CSMD3: variants seen among roughly 807,000 people sequenced by gnomAD.
CSMD3 encodes the protein CUB and Sushi multiple domains 3, also known as CUB and sushi domain-containing protein 3.
In CSMD3, 177 loss-of-function variants were observed where a neutral mutation model predicts 435.2. That is an observed-to-expected ratio of 0.41 (90% CI 0.36 to 0.46). The LOEUF (loss-of-function observed/expected upper bound fraction) is 0.46. CSMD3 is among the 20% of genes least tolerant of loss of function. The probability of loss-of-function intolerance (pLI) is 0.34; values close to 1 mark genes in which losing one functional copy is unlikely to be tolerated. For synonymous variants in CSMD3, 1,656 were observed against 1,520.5 expected, an observed-to-expected ratio of 1.09 and a Z score of -2.07; for missense variants, 4,265 against 4,504.6, an observed-to-expected ratio of 0.95 and a Z score of 1.52.
chr8:112,324,583 G>A (rs1180009124), intron 45 of CSMD3, among the ~76,000 whole-genome samples: 1 of 138,344 alleles, frequency 7.2e-6, no homozygotes, highest in African/African-American at 2.6e-5. Flanking sequence ...GTGTGTGTGG[G>A]TGTGTGTGTG....
At chr8:112,733,563 CATAAAT>C (rs2098259388) in intron 13 of CSMD3, among the ~76,000 whole-genome samples, 1 of 151,780 alleles carries the variant, frequency 6.6e-6, no homozygotes, top group South Asian at 2.1e-4. Flanking sequence ...AAACTACAGA[CATAAAT>C]ATAAAGGTAA....
Position 112,952,441 on chromosome 8 carries a change from AATT to A in CSMD3, c.1420+2240_1420+2242del, listed in dbSNP as rs1156883528. 6.7e-4 allele frequency among the ~76,000 whole-genome samples: 101 copies of A among 151,706 alleles called. 1 individual carries two copies. The highest frequency in any genetic ancestry group is 2.4e-3 in the African/African-American group (98 of 41,530). Reference sequence around the variant, plus strand: ...AATGTCAGATAAAAACTTTCTTTTTAATTATTTTGTCCTAGGTTGAATAAATAA... The same window carrying A: ...AATGTCAGATAAAAACTTTCTTTTTAATTTTGTCCTAGGTTGAATAAATAA... On this transcript the variant is annotated intron_variant, in intron 8 of 70. Coordinates refer to ENST00000297405, the MANE Select transcript of CSMD3 (RefSeq NM_198123.2).
At chr8:112,316,193 A>G (rs1182168180) in intron 47 of CSMD3, among the ~76,000 whole-genome samples, 1 of 151,798 alleles carries the variant, frequency 6.6e-6, no homozygotes, top group Non-Finnish European at 1.5e-5. Context: ...AATATAGTAT[A>G]GCTAAAGCTA....
At chr8:112,782,154 A>T (rs2078405564) in intron 13 of CSMD3, among the ~76,000 whole-genome samples, 1 of 152,174 alleles carries the variant, frequency 6.6e-6, no homozygotes, top group South Asian at 2.1e-4. Context: ...AATTCAAAAT[A>T]GCTGTTTTAG....
chr8:112,494,901 T>C (rs1351560271), intron 30 of CSMD3, among the ~76,000 whole-genome samples: 1 of 152,010 alleles, frequency 6.6e-6, no homozygotes, highest in African/African-American at 2.4e-5. Context: ...CAGAGCTAAA[T>C]GACTTGATCT....
At position 113,019,266 on chromosome 8, in the gene CSMD3, A is replaced by C; in HGVS notation, c.918-87T>G. On this transcript the variant is annotated intron_variant, in intron 5 of 70. Transcript: ENST00000297405. The stretch of plus-strand genomic sequence containing the variant: ...CAAAATTGGGACCAAACAAATGTCC[A>C]ACTATATTCATGACTTTGCACTGTC... The C allele has an allele frequency of 3.7e-6, 3 of 818,008 alleles. 1 individual carries two copies. In the South Asian group the frequency reaches 4.0e-5, roughly 11 times the overall value. The allele number at this position is 818,008 out of a possible 1,614,324, so 50.7% of individuals were successfully genotyped here.
rs964990126 is a variant in CSMD3, at chr8:112,352,400, T to C, written c.6255+16A>G. On this transcript the variant is annotated intron_variant, in intron 39 of 70. Coordinates refer to ENST00000297405, the MANE Select transcript of CSMD3 (RefSeq NM_198123.2). ...GGGCCATGAAAATCAAAACCACAAC[T>C]TTAAAATAGACTTACCTGAAGAGAA... 1.2e-6 allele frequency: 2 copies of C among 1,612,916 alleles called. No homozygotes were observed. The highest frequency in any genetic ancestry group is 1.7e-6 in the Non-Finnish European group (2 of 1,179,458).
chr8:112,708,754 C>T (rs544101917), intron 13 of CSMD3, among the ~76,000 whole-genome samples: 1 of 143,374 alleles, frequency 7.0e-6, no homozygotes, highest in Admixed American at 7.1e-5. Flanking sequence ...ATCCAGGGAA[C>T]TAAACCACAA....
chr8:112,725,391 C>T (rs1297914558), intron 13 of CSMD3, among the ~76,000 whole-genome samples: 3 of 151,718 alleles, frequency 2.0e-5, no homozygotes, highest in Non-Finnish European at 4.4e-5. Context: ...ATTTTGACTA[C>T]CTGTGTAGAT....
intron 40 of CSMD3, 92 bp from the exon 41 acceptor site, chr8:112,346,305 C>T (rs1825663274): frequency 1.2e-6 from 1 of 830,754 alleles, no homozygotes; most frequent in Non-Finnish European, 2.1e-6. Flanking sequence ...GTTTTCAAGG[C>T]TCTGAGTTAA....
At chr8:112,319,869 T>A (rs759785598) in intron 46 of CSMD3, 32 bp downstream of exon 46, 1 of 1,460,046 alleles carries the variant, frequency 6.8e-7, no homozygotes, top group South Asian at 1.1e-5. Context: ...GCCAGCAGTA[T>A]GTTTTCCTTG....
intron 9 of CSMD3, among the ~76,000 whole-genome samples, chr8:112,932,432 G>A (rs13248643): frequency 1.3e-5 from 2 of 152,148 alleles, no homozygotes; most frequent in Non-Finnish European, 1.5e-5. Context: ...ATTTTTAGTA[G>A]AGATGGGGTT....
intron 3 of CSMD3, among the ~76,000 whole-genome samples, chr8:113,198,694 T>C (rs776435054): frequency 3.3e-5 from 5 of 151,360 alleles, no homozygotes; most frequent in Non-Finnish European, 5.9e-5. Flanking sequence ...TAGATATTAA[T>C]ATGACTTAAT....
At chr8:113,237,677 G>A (rs902034736) in intron 3 of CSMD3, among the ~76,000 whole-genome samples, 1 of 152,192 alleles carries the variant, frequency 6.6e-6, no homozygotes, top group Non-Finnish European at 1.5e-5. Flanking sequence ...ACAGTTTACA[G>A]CTTCAGTCTT....
chr8:113,271,099 C>T (rs62519854), intron 3 of CSMD3, among the ~76,000 whole-genome samples: 36,280 of 151,892 alleles, frequency 0.24, 5,735 homozygotes, highest in East Asian at 0.7. Flanking sequence ...AGCAAATCAT[C>T]CAAGAGGTGG....
chr8:112,327,824 A>G (rs1823647300), intron 45 of CSMD3, among the ~76,000 whole-genome samples: 2 of 152,210 alleles, frequency 1.3e-5, no homozygotes, highest in Non-Finnish European at 2.9e-5. Context: ...TCCAACAAAT[A>G]TGCTTTTTGA....
intron 10 of CSMD3, among the ~76,000 whole-genome samples, chr8:112,862,958 C>T (rs2129921492): frequency 6.6e-6 from 1 of 152,024 alleles, no homozygotes; most frequent in Non-Finnish European, 1.5e-5. Context: ...TTTTAATTTC[C>T]AATTCTTTCT....
At chr8:112,661,621 C>A (rs532959329) in intron 17 of CSMD3, among the ~76,000 whole-genome samples, 1 of 152,088 alleles carries the variant, frequency 6.6e-6, no homozygotes, top group Non-Finnish European at 1.5e-5. Flanking sequence ...TCAGCAGATG[C>A]TTTTCAACAT....
intron 3 of CSMD3, among the ~76,000 whole-genome samples, chr8:113,275,282 A>G (rs1347992260): frequency 6.6e-6 from 1 of 152,128 alleles, no homozygotes; most frequent in Non-Finnish European, 1.5e-5. Flanking sequence ...TACCAGTTGA[A>G]CAAATATCTT....
Sources: allele counts gnomAD v4.1 joint callset (sites outside exome capture counted in the v4.1 genomes callset), GRCh38; gene constraint gnomAD v4.1.1; transcripts MANE v1.5; gene names NCBI Gene and HGNC (gene_info 2026-07-23, HGNC 2026-07-21).